The following MINPP1 variants were observed in gnomAD, a reference collection of about 807,000 sequenced individuals.
MINPP1 encodes the protein multiple inositol polyphosphate phosphatase 1.
Under a neutral mutation model 46.1 loss-of-function variants are expected in MINPP1, and 28 were observed. The observed-to-expected ratio is 0.61, with a 90% CI of 0.45 to 0.83. The LOEUF is 0.83. Among genes scored for constraint, MINPP1 ranks in the 40% least tolerant of loss-of-function variants. The pLI is 0.00. For synonymous variants in MINPP1, 268 were observed against 249.1 expected (o/e 1.08, Z -0.72); for missense variants, 603 against 610.0 (o/e 0.99, Z 0.12).
Position 87,521,168 on chromosome 10 carries a change from A to G in MINPP1, c.1066A>G (p.Arg356Gly). The G allele has an allele frequency of 1.2e-6, 2 of 1,610,528 alleles. No homozygotes were observed. Among genetic ancestry groups the G allele is most frequent in the Non-Finnish European group, 1.7e-6 (2 of 1,178,050 alleles). Residue 356 changes from arginine (R) to glycine (G), a missense_variant and splice_region_variant, in exon 4 of 5, where the codon AGG becomes GGG. Coordinates refer to ENST00000371996, the MANE Select transcript of MINPP1 (RefSeq NM_004897.5). ...GGACAAAGCAGTTGAACAGAAACAA[A>G]GGTAAGAACTTTCTAAAAAATGTGA... is the stretch of plus-strand genomic sequence containing the variant. ...HLDKAVEQKQ[R>G]SQPISSPVIL...
Position 87,552,248 on chromosome 10 carries a change from G to T in MINPP1, c.1234G>T (p.Ala412Ser). The T allele has an allele frequency of 6.2e-7, 1 of 1,613,770 alleles. No homozygotes were observed. The highest frequency in any genetic ancestry group is 8.5e-7 in the Non-Finnish European group (1 of 1,179,804). ...CCGAAGTGGTCTCATTGTACCTTAT[G>T]CCTCGAACCTGATATTTGTGCTTTA... ...KFRSGLIVPY[A>S]SNLIFVLYHC... The change falls in exon 5 of 5, where the codon GCC (alanine) becomes TCC (serine). Residue 412 changes from alanine to serine, a missense_variant. Ala to Ser is a moderately conservative substitution (Grantham distance 99). Coordinates refer to ENST00000371996, the MANE Select transcript of MINPP1 (RefSeq NM_004897.5).
intron 3 of MINPP1, among the ~76,000 whole-genome samples, chr10:87,514,908 G>GT (rs1233207035): frequency 1.3e-5 from 2 of 151,514 alleles, no homozygotes; most frequent in Non-Finnish European, 1.5e-5. Flanking sequence ...TAGAGATGGG[G>GT]TTTCACCATG....
chr10:87,519,464 A>G (rs1263670337), intron 3 of MINPP1, among the ~76,000 whole-genome samples: 1 of 152,136 alleles, frequency 6.6e-6, no homozygotes, highest in East Asian at 1.9e-4. Context: ...GCGTTCATGT[A>G]ATATGTCATT....
chr10:87,526,840 AAGATC>A (rs1324829417), intron 4 of MINPP1, among the ~76,000 whole-genome samples: 1 of 152,302 alleles, frequency 6.6e-6, no homozygotes, highest in African/African-American at 2.4e-5. Context: ...AGATTTGTCA[AAGATC>A]AGATGGTTGT....
chr10:87,542,062 G>A (rs1851822657), intron 4 of MINPP1, among the ~76,000 whole-genome samples: 1 of 152,106 alleles, frequency 6.6e-6, no homozygotes, highest in South Asian at 2.1e-4. Flanking sequence ...ACTCATTCCA[G>A]CATTAACTCA....
At chr10:87,524,725 G>A (rs1160928302) in intron 4 of MINPP1, among the ~76,000 whole-genome samples, 2 of 152,118 alleles carry the variant, frequency 1.3e-5, no homozygotes, top group Non-Finnish European at 2.9e-5. Context: ...ATATCTCAGG[G>A]AATAGGGAGA....
rs1202991806 is a variant in MINPP1, at chr10:87,521,138, C to T, written c.1036C>T (p.His346Tyr). ...CACCTTGTTTCAGGATATCTTTCAG[C>T]ACTTGGACAAAGCAGTTGAACAGAA... Reference protein sequence around the residue: ...SCTLFQDIFQHLDKAVEQKQR... With the variant: ...SCTLFQDIFQYLDKAVEQKQR... The change falls in exon 4 of 5, where the codon CAC (histidine) becomes TAC (tyrosine). Residue 346 changes from histidine to tyrosine, a missense_variant. Coordinates refer to ENST00000371996, the MANE Select transcript of MINPP1 (RefSeq NM_004897.5). 1 of 1,611,526 alleles carries T rather than the reference C, an allele frequency of 6.2e-7. No homozygotes were observed. Among genetic ancestry groups the T allele is most frequent in the Admixed American group, 1.7e-5 (1 of 59,964 alleles).
intron 4 of MINPP1, among the ~76,000 whole-genome samples, chr10:87,540,906 T>C (rs114590126): frequency 0.011 from 1,706 of 152,328 alleles, 36 homozygotes; most frequent in African/African-American, 0.039. Context: ...TAATGGCTTC[T>C]GGTAAAAATT....
chr10:87,519,181 A>G (rs1464304867), intron 3 of MINPP1, among the ~76,000 whole-genome samples: 2 of 152,192 alleles, frequency 1.3e-5, no homozygotes, highest in African/African-American at 2.4e-5. Flanking sequence ...ACGAAAGCCA[A>G]TATATACATA....
Position 87,505,197 on chromosome 10 carries a change from C to T in MINPP1, c.282C>T (p.Pro94=), listed in dbSNP as rs1417825359. The T allele has an allele frequency of 2.5e-6, 4 of 1,609,938 alleles. No homozygotes were observed. Among genetic ancestry groups the T allele is most frequent in the African/African-American group, 1.3e-5 (1 of 74,924 alleles). Residue 94 remains proline (P), a synonymous_variant, in exon 1 of 5, where the codon CCC becomes CCT. Transcript: ENST00000371996. The surrounding 1 kb of genome is among the most constrained non-coding windows in gnomAD (Gnocchi z 4.4). The part of the protein sequence containing the change: ...VALIRHGTRY[P]TVKQIRKLRQ... ...TCATTCGCCACGGCACCCGCTACCC[C>T]ACGGTCAAACAGATCCGCAAGCTGA...
At chr10:87,507,480 A>G (rs1851268939) in intron 1 of MINPP1, among the ~76,000 whole-genome samples, 1 of 121,636 alleles carries the variant, frequency 8.2e-6, no homozygotes, top group Admixed American at 8.7e-5. Context: ...TTCAAGAGAA[A>G]CAAACATACA....
intron 4 of MINPP1, among the ~76,000 whole-genome samples, chr10:87,525,696 C>T (rs1413586193): frequency 1.3e-5 from 2 of 152,182 alleles, no homozygotes; most frequent in Admixed American, 6.5e-5. Flanking sequence ...TCCTTTCCCC[C>T]TCCCCCTACC....
chr10:87,507,778 A>T (rs1211163266), intron 1 of MINPP1: 2 of 963,044 alleles, frequency 2.1e-6, no homozygotes, highest in African/African-American at 3.5e-5. Flanking sequence ...CAGTTAAAAG[A>T]TAAACCAATT....
chr10:87,528,585 A>C (rs1403440425), intron 4 of MINPP1, among the ~76,000 whole-genome samples: 1 of 152,050 alleles, frequency 6.6e-6, no homozygotes, highest in Non-Finnish European at 1.5e-5. Context: ...AGTTTGTTAT[A>C]ATTTCTATTC....
intron 4 of MINPP1, among the ~76,000 whole-genome samples, chr10:87,548,498 G>T (rs900154529): frequency 7.9e-5 from 12 of 152,164 alleles, no homozygotes; most frequent in African/African-American, 2.7e-4. Flanking sequence ...GTATGAATAT[G>T]AGCATCATCA....
chr10:87,520,218 A>G (rs1186320669), intron 3 of MINPP1, among the ~76,000 whole-genome samples: 5 of 152,154 alleles, frequency 3.3e-5, no homozygotes, highest in African/African-American at 7.2e-5. Flanking sequence ...ATTCTGAAGT[A>G]TGTGTATACC....
At chr10:87,528,734 G>A (rs936733999) in intron 4 of MINPP1, among the ~76,000 whole-genome samples, 1 of 152,152 alleles carries the variant, frequency 6.6e-6, no homozygotes, top group African/African-American at 2.4e-5. Context: ...TCTGCTTGGT[G>A]CAGAGCTGAG....
chr10:87,505,549 G>T lies in MINPP1; in HGVS notation c.634G>T (p.Ala212Ser), dbSNP rs759333132. The change falls in exon 1 of 5, where the codon GCA becomes TCA. Residue 212 changes from alanine to serine, a missense_variant. By Grantham distance (99) the Ala-to-Ser change is moderately conservative (BLOSUM62 1). Coordinates refer to ENST00000371996, the MANE Select transcript of MINPP1 (RefSeq NM_004897.5). This position sits in a 1 kb window ranked among gnomAD's most constrained non-coding sequence, Gnocchi z 4.4. ...YHPGLPPPDV[A>S]DMEFGPPTVN... ...CCCTGGCTTGCCGCCGCCGGACGTCGCAGGTGACCCCCCGGGCGGCCCGTG... is the reference window on the plus strand; with the variant it reads ...CCCTGGCTTGCCGCCGCCGGACGTCTCAGGTGACCCCCCGGGCGGCCCGTG... The T allele has an allele frequency of 1.9e-6, 3 of 1,603,924 alleles. No homozygotes were observed. The highest frequency in any genetic ancestry group is 2.2e-5 in the East Asian group (1 of 44,746).
intron 4 of MINPP1, among the ~76,000 whole-genome samples, chr10:87,538,661 G>A (rs1477642557): frequency 6.6e-6 from 1 of 152,152 alleles, no homozygotes; most frequent in Non-Finnish European, 1.5e-5. Context: ...ATTAGATGTG[G>A]AAGACTTAAC....
Sources: gnomAD v4.1 joint callset for allele counts (sites outside exome capture counted in the v4.1 genomes callset) on GRCh38, gnomAD v4.1.1 for gene constraint, Gnocchi (gnomAD v3.1) non-coding constraint, MANE v1.5 for transcripts, NCBI Gene and HGNC (gene_info 2026-07-23, HGNC 2026-07-21) for gene names.